Variants in LRP1 observed in about 807,000 individuals in gnomAD.
The protein encoded by LRP1 is LDL receptor related protein 1, also known as prolow-density lipoprotein receptor-related protein 1.
LRP1 carries 51 observed loss-of-function variants against 541.5 expected under a neutral mutation model. The ratio of observed to expected loss-of-function variants is 0.09; its 90% CI spans 0.08 to 0.12. LRP1 has a LOEUF of 0.12. LRP1 is among the 10% of genes least tolerant of loss of function. LRP1 has a pLI of 1.00. For missense variants in LRP1, 3,878 were observed against 6,376.2 expected (o/e 0.61, Z 13.34); for synonymous variants, 2,219 against 2,470.8 (o/e 0.90, Z 3.02).
chr12:57,181,014 A>G (rs1444904941), intron 33 of LRP1, 143 bp from the exon 34 acceptor site: 2 of 1,236,830 alleles, frequency 1.6e-6, no homozygotes, highest in African/African-American at 3.0e-5. Context: ...GAGGACAGAA[A>G]ACCTGAGAGC....
chr12:57,195,412 G>A lies in LRP1; in HGVS notation c.8437+13G>A. 6.2e-7 allele frequency: 1 copy of A among 1,601,668 alleles called. No homozygotes were observed. Among genetic ancestry groups the A allele is most frequent in the Non-Finnish European group, 8.5e-7 (1 of 1,178,528 alleles). On this transcript the variant is annotated intron_variant, in intron 52 of 88. Coordinates refer to ENST00000243077, the MANE Select transcript of LRP1 (RefSeq NM_002332.3). ...GCAGCTGGTTGCTGTGAGTGGCGGG[G>A]CCACGTGGAGCGGGTGGACAGCAAA...
chr12:57,149,533 G>C, intron 6 of LRP1: 2 of 646,346 alleles, frequency 3.1e-6, no homozygotes, highest in Non-Finnish European at 2.8e-6. Flanking sequence ...TTTAGAGCCC[G>C]GCAAGGATTT....
intron 82 of LRP1, 78 bp from the exon 83 acceptor site, chr12:57,210,640 C>G (rs927178610): frequency 4.0e-6 from 6 of 1,507,006 alleles, no homozygotes; most frequent in Non-Finnish European, 5.4e-6. Context: ...TCGCCCAGGT[C>G]CCCCCAGCCC....
rs1399133553 is a variant in LRP1 at position 57,158,410 on chromosome 12, C to A, written c.1570C>A (p.His524Asn). Residue 524 changes from histidine (H) to asparagine (N), a missense_variant, in exon 11 of 89, where the codon CAT (histidine) becomes AAT (asparagine). By Grantham distance (68) the His-to-Asn change is moderately conservative. Around this residue, in one of 13 missense-constraint regions of LRP1, gnomAD observed 496 missense variants for 861.0 expected, o/e 0.58. Transcript: ENST00000243077. This position sits in a 1 kb window ranked among gnomAD's most constrained non-coding sequence, Gnocchi z 5.3. ...GCTTGTGCCTGCTCTAGAGCCGGAG[C>A]ATGAGCTGTTCCTCGTGTATGGCAA... ...SDGKSCKKPE[H>N]ELFLVYGKGR... The A allele has an allele frequency of 1.2e-6, 2 of 1,608,362 alleles. No individual in the cohort carries two copies. Among genetic ancestry groups the A allele is most frequent in the African/African-American group, 2.7e-5 (2 of 74,856 alleles).
At chr12:57,172,228 T>G (rs2035960600) in intron 20 of LRP1, among the ~76,000 whole-genome samples, 1 of 151,890 alleles carries the variant, frequency 6.6e-6, no homozygotes, top group African/African-American at 2.4e-5. Context: ...TGGAGTGCAG[T>G]GGCGCAATCT....
At position 57,209,714 on chromosome 12, in the gene LRP1, C is replaced by A. The variant is rs951268480; in HGVS notation, c.12285C>A (p.Ile4095=). Residue 4095 remains isoleucine (I), a synonymous_variant, in exon 80 of 89, where the codon ATC becomes ATA. Coordinates refer to ENST00000243077, the MANE Select transcript of LRP1 (RefSeq NM_002332.3). ...SKRGLSHPFS[I]DVFEDYIYGV... is the part of the protein sequence containing the mutation. ...CAGGCCTAAGTCACCCCTTCAGCAT[C>A]GACGTCTTTGAGGATTACATCTATG... is the stretch of plus-strand genomic sequence containing the variant. 5 of 1,614,164 alleles carry A rather than the reference C, an allele frequency of 3.1e-6. No individual in the cohort carries two copies. Among genetic ancestry groups the A allele is most frequent in the Non-Finnish European group, 3.4e-6 (4 of 1,180,032 alleles).
At chr12:57,195,586 G>A in intron 52 of LRP1, 72 bp from the exon 53 acceptor site, 1 of 1,609,250 alleles carries the variant, frequency 6.2e-7, no homozygotes, top group Non-Finnish European at 8.5e-7. Context: ...GAGAACCACA[G>A]GAGGTTAGAG....
rs34301438 is a variant in LRP1 at position 57,163,179 on chromosome 12, G to A, written c.2530+196G>A. Among the ~76,000 whole-genome samples, 907 of 152,328 alleles carry A rather than the reference G, an allele frequency of 6.0e-3. 1 individual carries two copies. The highest frequency in any genetic ancestry group is 0.01 in the Non-Finnish European group (683 of 68,022). The stretch of plus-strand genomic sequence containing the variant: ...GGAGGGAGTTTAGGGAAGATGGGAG[G>A]CTGGGAGGGACTTGTGAGGGGATGG... On this transcript the variant is annotated intron_variant, in intron 15 of 88. Coordinates refer to ENST00000243077, the MANE Select transcript of LRP1 (RefSeq NM_002332.3).
chr12:57,131,938 T>C (rs1205038065), intron 1 of LRP1: 1 of 152,404 alleles, frequency 6.6e-6, no homozygotes, highest in African/African-American at 2.4e-5. Context: ...TGTGAGCCCT[T>C]GCACATCAGA....
chr12:57,176,410 T>C (rs2036048063), intron 24 of LRP1, among the ~76,000 whole-genome samples: 1 of 152,246 alleles, frequency 6.6e-6, no homozygotes, highest in Non-Finnish European at 1.5e-5. Flanking sequence ...GTGGCGTACC[T>C]GAACGCTGCT....
chr12:57,195,198 G>A (rs906647638), intron 51 of LRP1, 73 bp from the exon 52 acceptor site: 70 of 1,595,054 alleles, frequency 4.4e-5, no homozygotes, highest in South Asian at 8.9e-5. Flanking sequence ...AGACGACGGC[G>A]AACCATCACC....
At chr12:57,209,638 T>G (rs1045600437) in intron 79 of LRP1, 54 bp from the exon 80 acceptor site, 5 of 1,517,096 alleles carry the variant, frequency 3.3e-6, no homozygotes, top group African/African-American at 2.7e-5. Flanking sequence ...GTGGACAGCA[T>G]GGCCAGGGCC....
Position 57,209,150 on chromosome 12 carries a change from C to T in LRP1, c.12213C>T (p.Ser4071=), listed in dbSNP as rs1232313861. 1 of 1,614,136 alleles carries T rather than the reference C, an allele frequency of 6.2e-7. No homozygotes were observed. Among genetic ancestry groups the T allele is most frequent in the Non-Finnish European group, 8.5e-7 (1 of 1,180,008 alleles). ...ACGCCAAGCTTTCAGTCATCGGCAG[C>T]ATCCGGCTCAATGGCACGGACCCCA... ...WADAKLSVIG[S]IRLNGTDPIV... The change falls in exon 79 of 89, where the codon AGC becomes AGT. Residue 4071 remains serine (S), a synonymous_variant. Coordinates refer to ENST00000243077, the MANE Select transcript of LRP1 (RefSeq NM_002332.3).
intron 55 of LRP1, 87 bp downstream of exon 55, chr12:57,196,364 T>C (rs1240448781): frequency 8.1e-7 from 1 of 1,234,912 alleles, no homozygotes; most frequent in Non-Finnish European, 1.1e-6. Flanking sequence ...ATTCATCCCC[T>C]AGACAGTGGG....
Position 57,200,826 on chromosome 12 carries a change from G to GTCCC in LRP1, c.10225+11_10225+12insTCCC. On this transcript the variant is annotated intron_variant, in intron 64 of 88. Transcript: ENST00000243077. ...ACGAGGCCAACTGTGGTAAGGCGCT[G>GTCCC]CCCGCCCACCCTCCCTCCTTCCCCA... 15 of 1,581,428 alleles carry GTCCC rather than the reference G, an allele frequency of 9.5e-6. No individual in the cohort carries two copies. The highest frequency in any genetic ancestry group is 5.6e-5 in the South Asian group (5 of 89,998).
chr12:57,194,846 G>C, intron 50 of LRP1, 139 bp from the exon 51 acceptor site: 1 of 1,211,716 alleles, frequency 8.3e-7, no homozygotes. Flanking sequence ...CAGACTCAGA[G>C]ACTCTGCCTC....
chr12:57,206,723 G>C lies in LRP1; in HGVS notation c.11841G>C (p.Arg3947=). The C allele has an allele frequency of 6.2e-6, 10 of 1,612,532 alleles. No homozygotes were observed. The highest frequency in any genetic ancestry group is 8.5e-6 in the Non-Finnish European group (10 of 1,179,986). Residue 3947 remains arginine, a synonymous_variant, in exon 76 of 89, where the codon CGG becomes CGC. Coordinates refer to ENST00000243077, the MANE Select transcript of LRP1 (RefSeq NM_002332.3). The surrounding 1 kb of genome is among the most constrained non-coding windows in gnomAD (Gnocchi z 4.7). ...TSNRHRRQID[R]GVTHLNISGL... ...ACCGCCACCGGCGACAGATTGACCGGGGTGTCACCCACCTCAACGTGAGTG... is the reference window on the plus strand; with the variant it reads ...ACCGCCACCGGCGACAGATTGACCGCGGTGTCACCCACCTCAACGTGAGTG...
chr12:57,191,871 A>G (rs2036399530), intron 44 of LRP1, among the ~76,000 whole-genome samples: 13 of 132,970 alleles, frequency 9.8e-5, no homozygotes, highest in East Asian at 4.9e-4. Context: ...TACACACCAC[A>G]CATACCACAC....
intron 6 of LRP1, chr12:57,147,368 G>T (rs1238619925): frequency 6.6e-6 from 1 of 152,160 alleles, no homozygotes; most frequent in African/African-American, 2.4e-5. Flanking sequence ...CAGTTTCTGG[G>T]TCATCCCCCT....
Sources: gnomAD v4.1 joint callset for allele counts (sites outside exome capture counted in the v4.1 genomes callset) on GRCh38, gnomAD v4.1.1 for gene constraint, gnomAD v4.1.1 regional missense constraint, Gnocchi (gnomAD v3.1) non-coding constraint, MANE v1.5 for transcripts, NCBI Gene and HGNC (gene_info 2026-07-23, HGNC 2026-07-21) for gene names.